The following CHMP7 variants were observed in gnomAD, a reference collection of about 807,000 sequenced individuals.
CHMP7 encodes CHMP family, member 7.
Under a neutral mutation model 53.7 loss-of-function variants are expected in CHMP7, and 15 were observed. That is an observed-to-expected ratio of 0.28 (90% confidence interval 0.19 to 0.43). The LOEUF (loss-of-function observed/expected upper bound fraction) is 0.43. CHMP7 is among the 20% of genes least tolerant of loss of function. CHMP7 has a pLI of 1.00. For synonymous variants in CHMP7, 261 were observed against 228.0 expected (o/e 1.14, Z -1.30); for missense variants, 527 against 569.4 (o/e 0.93, Z 0.76).
chr8:23,250,071 C>T (rs1400005558), intron 3 of CHMP7, among the ~76,000 whole-genome samples: 1 of 152,214 alleles, frequency 6.6e-6, no homozygotes, highest in East Asian at 1.9e-4. Context: ...AATCGCCTGT[C>T]ATCAGACTGC....
chr8:23,259,229 C>G (rs542853677), intron 9 of CHMP7, 103 bp downstream of exon 9: 1 of 564,534 alleles, frequency 1.8e-6, no homozygotes, highest in South Asian at 2.1e-5. Flanking sequence ...AGTGCAGTGG[C>G]GGGATCTCGG....
At chr8:23,244,018 T>C (rs2128855745) in intron 1 of CHMP7, among the ~76,000 whole-genome samples, 174 bp downstream of exon 1, 1 of 152,238 alleles carries the variant, frequency 6.6e-6, no homozygotes, top group South Asian at 2.1e-4. Flanking sequence ...TTTTGAGTCT[T>C]AAGAGTTCCT....
chr8:23,246,237 T>A lies in CHMP7; in HGVS notation c.-440-19T>A, dbSNP rs757435145. On this transcript the variant is annotated intron_variant, in intron 1 of 10. Coordinates refer to ENST00000397677, the MANE Select transcript of CHMP7 (RefSeq NM_152272.5). ...TTTCTGGTTTGTGCATTCATTGATATAAATTTCCCTCTATACAGAGATTCA... is the reference window on the plus strand; with the variant it reads ...TTTCTGGTTTGTGCATTCATTGATAAAAATTTCCCTCTATACAGAGATTCA... 1 of 155,716 alleles carries A rather than the reference T, an allele frequency of 6.4e-6. No homozygotes were observed. Among genetic ancestry groups the A allele is most frequent in the Non-Finnish European group, 1.4e-5 (1 of 70,184 alleles). The allele number at this position is 155,716 out of a possible 1,614,324, so 9.6% of individuals were successfully genotyped here. A position where few individuals can be genotyped will look rare whatever the true frequency, so the allele number is the denominator to read the frequency against.
chr8:23,247,917 G>GT (rs1801771389), intron 2 of CHMP7: 1 of 369,568 alleles, frequency 2.7e-6, no homozygotes, highest in African/African-American at 2.2e-5. Context: ...TTGTTTGGTT[G>GT]GTTTTTTTTT....
At chr8:23,251,161 A>G (rs558792572) in intron 3 of CHMP7, among the ~76,000 whole-genome samples, 1 of 152,212 alleles carries the variant, frequency 6.6e-6, no homozygotes, top group Non-Finnish European at 1.5e-5. Flanking sequence ...ATGGATCCCC[A>G]CAGATGAGGT....
At chr8:23,248,868 G>C (rs1285546193) in intron 2 of CHMP7, among the ~76,000 whole-genome samples, 1 of 152,206 alleles carries the variant, frequency 6.6e-6, no homozygotes, top group African/African-American at 2.4e-5. Context: ...AGATCTCACC[G>C]AAGGCCCAGA....
Position 23,260,633 on chromosome 8 carries a change from A to G in CHMP7, c.*34A>G, listed in dbSNP as rs770999242. 2.5e-5 allele frequency: 38 copies of G among 1,530,948 alleles called. No individual in the cohort carries two copies. The highest frequency in any genetic ancestry group is 6.7e-5 in the Admixed American group (4 of 59,896). 94.8% of individuals were successfully genotyped at this position (1,530,948 alleles called of 1,614,324 possible). On this transcript the variant is annotated 3_prime_UTR_variant, in exon 11 of 11. Coordinates refer to ENST00000397677, the MANE Select transcript of CHMP7 (RefSeq NM_152272.5). ...AGTGAAGGACCCTCATGTAAAAGAG[A>G]GACCAGGCTTGCTGGGTGTGTACAT...
chr8:23,260,756 G>C lies in CHMP7; in HGVS notation c.*157G>C. 4 of 653,640 alleles carry C rather than the reference G, an allele frequency of 6.1e-6. No homozygotes were observed. 40.5% of individuals were successfully genotyped at this position (653,640 alleles called of 1,614,324 possible). A position where few individuals can be genotyped will look rare whatever the true frequency, so the allele number is the denominator to read the frequency against. On this transcript the variant is annotated 3_prime_UTR_variant, in exon 11 of 11. Coordinates refer to ENST00000397677, the MANE Select transcript of CHMP7 (RefSeq NM_152272.5). ...GCTACTACTTACTACAGGACAGATA[G>C]AATTTCTGGAAGCGATGCTCCAAAG... is the stretch of plus-strand genomic sequence containing the variant.
At chr8:23,250,525 C>T (rs538862509) in intron 3 of CHMP7, among the ~76,000 whole-genome samples, 1 of 152,192 alleles carries the variant, frequency 6.6e-6, no homozygotes, top group South Asian at 2.1e-4. Context: ...ACCTTTGTGT[C>T]ACCACTTCCT....
intron 2 of CHMP7, chr8:23,247,999 G>T: frequency 2.2e-6 from 1 of 449,902 alleles, no homozygotes; most frequent in Non-Finnish European, 4.5e-6. Context: ...CCTTCCCATT[G>T]GACTGGACAT....
chr8:23,261,530 T>G lies in CHMP7; in HGVS notation c.*931T>G, dbSNP rs1344654525. The G allele has an allele frequency of 6.5e-6, 1 of 152,784 alleles. No homozygotes were observed. Among genetic ancestry groups the G allele is most frequent in the Non-Finnish European group, 1.5e-5 (1 of 68,160 alleles). 9.5% of individuals were successfully genotyped at this position (152,784 alleles called of 1,614,324 possible). On this transcript the variant is annotated 3_prime_UTR_variant, in exon 11 of 11. Transcript: ENST00000397677. ...CTCTGAATTTGGAAAGTGTTTCATT[T>G]TGTGGCCTACTGCTCGGGGCAGGGG...
intron 10 of CHMP7, 29 bp from the exon 11 acceptor site, chr8:23,260,509 T>A (rs776429675): frequency 1.2e-6 from 2 of 1,609,616 alleles, no homozygotes; most frequent in Non-Finnish European, 1.7e-6. Flanking sequence ...TTTCCTGTTA[T>A]AGTGTTCAGT....
Position 23,249,395 on chromosome 8 carries a change from AG to A in CHMP7, c.471+19del, listed in dbSNP as rs34347119. The A allele has an allele frequency of 6.3e-7, 1 of 1,582,210 alleles. No individual in the cohort carries two copies. Among genetic ancestry groups the A allele is most frequent in the South Asian group, 1.2e-5 (1 of 85,816 alleles). ...GAGCTGTTGAAGGTGGGTACTCAGA[AG>A]GGGGTGTCTGGGTGTCACCTGGTGT... On this transcript the variant is annotated intron_variant, in intron 3 of 10. Coordinates refer to ENST00000397677, the MANE Select transcript of CHMP7 (RefSeq NM_152272.5).
intron 2 of CHMP7, among the ~76,000 whole-genome samples, chr8:23,247,776 A>G (rs1363593543): frequency 6.6e-6 from 1 of 152,150 alleles, no homozygotes; most frequent in Non-Finnish European, 1.5e-5. Context: ...CAGCTAGTTA[A>G]AGGTGATACC....
At position 23,249,250 on chromosome 8, in the gene CHMP7, G is replaced by A; in HGVS notation, c.340G>A (p.Val114Ile). 1.9e-6 allele frequency: 3 copies of A among 1,610,196 alleles called. No homozygotes were observed. The highest frequency in any genetic ancestry group is 2.5e-6 in the Non-Finnish European group (3 of 1,178,280). ...GCGGGAGTCAGACTTCATGGCCAGTGTAGACAGCAGCTGGATCTCCTGGGG... is the reference window on the plus strand; with the variant it reads ...GCGGGAGTCAGACTTCATGGCCAGTATAGACAGCAGCTGGATCTCCTGGGG... ...LQRESDFMAS[V>I]DSSWISWGVG... is the part of the protein sequence containing the mutation. Residue 114 changes from valine (V) to isoleucine (I), a missense_variant, in exon 3 of 11, where the codon GTA becomes ATA. By Grantham distance (29) the Val-to-Ile change is conservative (BLOSUM62 3). Coordinates refer to ENST00000397677, the MANE Select transcript of CHMP7 (RefSeq NM_152272.5).
At chr8:23,258,111 C>A in intron 6 of CHMP7, 30 bp downstream of exon 6, 2 of 1,591,434 alleles carry the variant, frequency 1.3e-6, no homozygotes, top group Non-Finnish European at 1.7e-6. Flanking sequence ...AGACCCATAG[C>A]AGTGCCCCAG....
chr8:23,258,231 G>T, intron 6 of CHMP7, 99 bp from the exon 7 acceptor site: 1 of 1,546,412 alleles, frequency 6.5e-7, no homozygotes, highest in South Asian at 1.1e-5. Context: ...AGATGGGAGG[G>T]AAGAAAGCTG....
chr8:23,249,317 C>T lies in CHMP7; in HGVS notation c.407C>T (p.Ser136Phe), dbSNP rs749871001. The change falls in exon 3 of 11, where the codon TCT becomes TTT. Residue 136 changes from serine (S) to phenylalanine (F), a missense_variant. Physicochemically the swap from Ser to Phe is radical, Grantham distance 155. Transcript: ENST00000397677. ...CTGAAGCCTCTCAAGTGGACTCTTT[C>T]TAACATGCTGGGAGATAATAAGGTT... ...FLLKPLKWTLSNMLGDNKVPA... is the reference protein window; with the variant it reads ...FLLKPLKWTLFNMLGDNKVPA... 6.2e-7 allele frequency: 1 copy of T among 1,613,336 alleles called. No homozygotes were observed. The highest frequency in any genetic ancestry group is 1.1e-5 in the South Asian group (1 of 90,988).
At position 23,260,768 on chromosome 8, in the gene CHMP7, G is replaced by T; in HGVS notation, c.*169G>T. 2 of 636,760 alleles carry T rather than the reference G, an allele frequency of 3.1e-6. No individual in the cohort carries two copies. The highest frequency in any genetic ancestry group is 2.6e-4 in the Middle Eastern group (1 of 3,782). The allele number at this position is 636,760 out of a possible 1,614,324, so 39.4% of individuals were successfully genotyped here. A position where few individuals can be genotyped will look rare whatever the true frequency, so the allele number is the denominator to read the frequency against. On this transcript the variant is annotated 3_prime_UTR_variant, in exon 11 of 11. Transcript: ENST00000397677. Reference sequence around the variant, plus strand: ...TACAGGACAGATAGAATTTCTGGAAGCGATGCTCCAAAGGCTTGCTCCCAG... The same window carrying T: ...TACAGGACAGATAGAATTTCTGGAATCGATGCTCCAAAGGCTTGCTCCCAG...
Sources: allele counts gnomAD v4.1 joint callset (sites outside exome capture counted in the v4.1 genomes callset), GRCh38; gene constraint gnomAD v4.1.1; transcripts MANE v1.5; gene names NCBI Gene and HGNC (gene_info 2026-07-23, HGNC 2026-07-21).